C9orf153: variants seen among roughly 807,000 people sequenced by gnomAD.
C9orf153 encodes the protein chromosome 9 open reading frame 153.
C9orf153 carries 10 observed loss-of-function variants against 9.0 expected under a neutral mutation model. The ratio of observed to expected loss-of-function variants is 1.11; its 90% confidence interval spans 0.69 to 1.89. The LOEUF is 1.89. C9orf153 is among the 40% of genes most tolerant of loss of function. C9orf153 has a pLI of 0.00. For synonymous variants in C9orf153, 35 were observed against 37.3 expected, an observed-to-expected ratio of 0.94 and a Z score of 0.23; for missense variants, 108 against 111.0, an observed-to-expected ratio of 0.97 and a Z score of 0.12.
At chr9:86,251,744 G>A (rs182173643) in intron 1 of C9orf153, among the ~76,000 whole-genome samples, 124 of 152,198 alleles carry the variant, frequency 8.1e-4, no homozygotes, top group African/African-American at 2.9e-3. Context: ...ACCTTATCGC[G>A]TGTGGTCAAA....
chr9:86,240,859 C>T (rs1377876532), intron 1 of C9orf153, among the ~76,000 whole-genome samples: 2 of 151,474 alleles, frequency 1.3e-5, no homozygotes, highest in Non-Finnish European at 2.9e-5. Context: ...TAGATGTGCA[C>T]CGCCACTCCT....
At chr9:86,222,013 G>A (rs1289435059) in intron 3 of C9orf153, among the ~76,000 whole-genome samples, 3 of 152,224 alleles carry the variant, frequency 2.0e-5, no homozygotes, top group South Asian at 2.1e-4. Context: ...AGCCTCCTGA[G>A]TAGCTGGGAT....
At chr9:86,254,643 A>G (rs1825071563) in intron 1 of C9orf153, among the ~76,000 whole-genome samples, 1 of 152,216 alleles carries the variant, frequency 6.6e-6, no homozygotes. Context: ...TTCTGTTTCC[A>G]TAGAAATGCC....
chr9:86,233,855 C>T (rs541687534), intron 1 of C9orf153, among the ~76,000 whole-genome samples: 12 of 152,258 alleles, frequency 7.9e-5, no homozygotes, highest in African/African-American at 1.7e-4. Context: ...GGGGCTGAGG[C>T]GGGTGAATTA....
At chr9:86,222,518 C>A (rs972985819) in intron 3 of C9orf153, among the ~76,000 whole-genome samples, 1 of 152,202 alleles carries the variant, frequency 6.6e-6, no homozygotes, top group South Asian at 2.1e-4. Context: ...TAGAATCTGG[C>A]CATTCTCCAT....
chr9:86,244,219 T>A (rs894666409), intron 1 of C9orf153, among the ~76,000 whole-genome samples: 3 of 152,236 alleles, frequency 2.0e-5, no homozygotes, highest in African/African-American at 7.2e-5. Flanking sequence ...ATTTTGCCTG[T>A]ATCTTTCACC....
chr9:86,251,412 T>C (rs1489145646), intron 1 of C9orf153, among the ~76,000 whole-genome samples: 2 of 152,282 alleles, frequency 1.3e-5, no homozygotes, highest in Non-Finnish European at 2.9e-5. Context: ...AATTGCTTAC[T>C]TTCTAGGTTT....
chr9:86,237,805 A>G (rs1457681627), intron 1 of C9orf153, among the ~76,000 whole-genome samples: 1 of 152,136 alleles, frequency 6.6e-6, no homozygotes, highest in Non-Finnish European at 1.5e-5. Flanking sequence ...CAAGCCAGGC[A>G]TGGTGGCTCA....
intron 1 of C9orf153, among the ~76,000 whole-genome samples, chr9:86,256,634 G>A (rs994235503): frequency 5.3e-5 from 8 of 152,174 alleles, no homozygotes; most frequent in South Asian, 2.1e-4. Context: ...CAGAGCAGTC[G>A]GAAGAATCTG....
At chr9:86,246,512 G>A (rs886805661) in intron 1 of C9orf153, among the ~76,000 whole-genome samples, 11 of 152,070 alleles carry the variant, frequency 7.2e-5, no homozygotes, top group African/African-American at 2.4e-4. Flanking sequence ...CCTCGGGGCC[G>A]CAAGCAGCCA....
chr9:86,256,337 C>T (rs1010849113), intron 1 of C9orf153, among the ~76,000 whole-genome samples: 3 of 152,208 alleles, frequency 2.0e-5, no homozygotes, highest in Non-Finnish European at 4.4e-5. Context: ...ACCTTCGAGC[C>T]ACTGATTCAA....
At chr9:86,225,851 T>C (rs1824319013) in intron 3 of C9orf153, among the ~76,000 whole-genome samples, 1 of 152,084 alleles carries the variant, frequency 6.6e-6, no homozygotes, top group African/African-American at 2.4e-5. Flanking sequence ...GAAATGAAGA[T>C]ATGGAGGCAG....
intron 1 of C9orf153, among the ~76,000 whole-genome samples, chr9:86,242,989 C>T (rs1356717063): frequency 6.6e-6 from 1 of 152,176 alleles, no homozygotes; most frequent in Non-Finnish European, 1.5e-5. Context: ...CCGCAGGCCA[C>T]TTCTTAATAG....
intron 1 of C9orf153, among the ~76,000 whole-genome samples, chr9:86,246,361 A>G (rs1018996306): frequency 6.6e-6 from 1 of 152,126 alleles, no homozygotes; most frequent in African/African-American, 2.4e-5. Flanking sequence ...GAAAAGTGAA[A>G]CCTTCTGCAG....
At position 86,220,657 on chromosome 9, in the gene C9orf153, G is replaced by C. The variant is rs1320155162; in HGVS notation, c.*1031C>G. 1 of 152,056 alleles carries C rather than the reference G, an allele frequency of 6.6e-6. No individual in the cohort carries two copies. The highest frequency in any genetic ancestry group is 1.5e-5 in the Non-Finnish European group (1 of 68,024). 9.4% of individuals were successfully genotyped at this position (152,056 alleles called of 1,614,324 possible). ...TTACTGCTTAGTGGTCCATAGTTTT[G>C]CTACAGTATTTCTGGGTATAGATTT... is the stretch of plus-strand genomic sequence containing the variant. On this transcript the variant is annotated 3_prime_UTR_variant, in exon 4 of 4. Transcript: ENST00000339137.
At chr9:86,232,563 G>A (rs866646115) in intron 1 of C9orf153, among the ~76,000 whole-genome samples, 10 of 151,978 alleles carry the variant, frequency 6.6e-5, no homozygotes, top group Admixed American at 1.3e-4. Flanking sequence ...GAGCAAGGGC[G>A]TCTCACAGAA....
At chr9:86,222,497 A>G (rs145985711) in intron 3 of C9orf153, among the ~76,000 whole-genome samples, 38 of 152,276 alleles carry the variant, frequency 2.5e-4, no homozygotes, top group African/African-American at 9.1e-4. Context: ...ATAAAAGGGC[A>G]GTGGCTGAGC....
At chr9:86,233,145 A>C (rs1165844844) in intron 1 of C9orf153, among the ~76,000 whole-genome samples, 1 of 152,008 alleles carries the variant, frequency 6.6e-6, no homozygotes, top group Non-Finnish European at 1.5e-5. Context: ...CTTCAGTCTC[A>C]TGTTCCCCAA....
chr9:86,240,883 A>G (rs1286633005), intron 1 of C9orf153, among the ~76,000 whole-genome samples: 1 of 150,022 alleles, frequency 6.7e-6, no homozygotes, highest in African/African-American at 2.5e-5. Flanking sequence ...TAATTTTTGT[A>G]TTTTTAATAG....
Sources: allele counts gnomAD v4.1 joint callset (sites outside exome capture counted in the v4.1 genomes callset), GRCh38; gene constraint gnomAD v4.1.1; transcripts MANE v1.5; gene names NCBI Gene and HGNC (gene_info 2026-07-23, HGNC 2026-07-21).